TUBGCP3: variants seen among roughly 807,000 people sequenced by gnomAD.
TUBGCP3 encodes the protein tubulin gamma complex component 3.
In TUBGCP3, 50 loss-of-function variants were observed where a neutral mutation model predicts 123.1. That is an observed-to-expected ratio of 0.41 (90% CI 0.32 to 0.51). The LOEUF (loss-of-function observed/expected upper bound fraction) is 0.51, where lower values mean the gene tolerates loss of function less well. Among genes scored for constraint, TUBGCP3 ranks in the 20% least tolerant of loss-of-function variants. The pLI, the probability that TUBGCP3 is intolerant of heterozygous loss-of-function variation, is 0.36. For missense variants in TUBGCP3, 882 were observed against 1,127.0 expected, an observed-to-expected ratio of 0.78 and a Z score of 3.11; for synonymous variants, 405 against 413.9, an observed-to-expected ratio of 0.98 and a Z score of 0.26.
the TUBGCP3 span, among the ~76,000 whole-genome samples, chr13:112,596,939 T>G: frequency 6.6e-6 from 1 of 152,198 alleles, no homozygotes; most frequent in African/African-American, 2.4e-5. Flanking sequence ...TCAAAGGTAC[T>G]GGAACATAAC....
intron 11 of TUBGCP3, among the ~76,000 whole-genome samples, chr13:112,531,299 T>C (rs1484988771): frequency 6.6e-6 from 1 of 152,228 alleles, no homozygotes; most frequent in African/African-American, 2.4e-5. Context: ...TCAATGTAAA[T>C]GACTGAAGCA....
At chr13:112,534,690 G>A (rs1877895430) in intron 11 of TUBGCP3, among the ~76,000 whole-genome samples, 1 of 152,122 alleles carries the variant, frequency 6.6e-6, no homozygotes, top group African/African-American at 2.4e-5. Context: ...CAGGGAGGAA[G>A]AAGACCCGGG....
At chr13:112,571,684 A>G (rs1881406508) in intron 1 of TUBGCP3, among the ~76,000 whole-genome samples, 2 of 152,238 alleles carry the variant, frequency 1.3e-5, no homozygotes, top group South Asian at 2.1e-4. Context: ...TTAGACGCCA[A>G]TAAGATGGCA....
intron 11 of TUBGCP3, chr13:112,544,789 G>A (rs1483257975): frequency 6.6e-6 from 1 of 152,326 alleles, no homozygotes; most frequent in Non-Finnish European, 1.5e-5. Flanking sequence ...AAAGCACACA[G>A]AGCACCAGAG....
At chr13:112,530,954 C>G (rs984115709) in intron 11 of TUBGCP3, among the ~76,000 whole-genome samples, 1 of 152,158 alleles carries the variant, frequency 6.6e-6, no homozygotes. Flanking sequence ...AAAAAAAACA[C>G]TGTTTAATAA....
chr13:112,588,310 G>A (rs1222172647), upstream of TUBGCP3: 1 of 240,564 alleles, frequency 4.2e-6, no homozygotes, highest in Non-Finnish European at 8.0e-6. Context: ...CGAGCTGCGC[G>A]GACAGAGCGG....
At position 112,527,358 on chromosome 13, in the gene TUBGCP3, T is replaced by A; in HGVS notation, c.1446+16A>T. 6.6e-7 allele frequency: 1 copy of A among 1,505,182 alleles called. No homozygotes were observed. Among genetic ancestry groups the A allele is most frequent in the Non-Finnish European group, 8.9e-7 (1 of 1,121,908 alleles). The allele number at this position is 1,505,182 out of a possible 1,614,324, so 93.2% of individuals were successfully genotyped here. A position where few individuals can be genotyped will look rare whatever the true frequency, so the allele number is the denominator to read the frequency against. On this transcript the variant is annotated intron_variant, in intron 12 of 21. Transcript: ENST00000261965. ...CCATAAAACATCAAAATCACAAAAATCTCTTCTAATCCTACCTTCCTAGAC... is the reference window on the plus strand; with the variant it reads ...CCATAAAACATCAAAATCACAAAAAACTCTTCTAATCCTACCTTCCTAGAC...
chr13:112,525,902 A>G (rs1295320197), intron 13 of TUBGCP3, among the ~76,000 whole-genome samples: 1 of 152,220 alleles, frequency 6.6e-6, no homozygotes, highest in Admixed American at 6.5e-5. Context: ...CTGTATAAAA[A>G]GGAAATTAAA....
intron 11 of TUBGCP3, among the ~76,000 whole-genome samples, chr13:112,533,366 G>A (rs1473457285): frequency 1.3e-5 from 2 of 152,178 alleles, no homozygotes; most frequent in Non-Finnish European, 2.9e-5. Context: ...GCCATGCCCA[G>A]CCCATGCATC....
intron 21 of TUBGCP3, among the ~76,000 whole-genome samples, 194 bp from the exon 22 acceptor site, chr13:112,486,345 C>T (rs115926004): frequency 6.6e-6 from 1 of 152,176 alleles, no homozygotes; most frequent in Admixed American, 6.5e-5. Context: ...GGCCAGTGCA[C>T]CTGCATTAGG....
At chr13:112,522,195 A>G in intron 14 of TUBGCP3, 125 bp downstream of exon 14, 1 of 975,830 alleles carries the variant, frequency 1.0e-6, no homozygotes, top group African/African-American at 1.6e-5. Flanking sequence ...TTCAGATTTT[A>G]TTTTAAAAAG....
chr13:112,535,278 G>C (rs773299267), intron 11 of TUBGCP3, among the ~76,000 whole-genome samples: 1 of 152,192 alleles, frequency 6.6e-6, no homozygotes, highest in Non-Finnish European at 1.5e-5. Context: ...AGACGAATGC[G>C]TGTTTTCATT....
intron 19 of TUBGCP3, among the ~76,000 whole-genome samples, chr13:112,499,782 C>T (rs1880780236): frequency 6.6e-6 from 1 of 152,168 alleles, no homozygotes; most frequent in Admixed American, 6.5e-5. Context: ...CAGCAGGTAT[C>T]TTCCGTTCAT....
intron 2 of TUBGCP3, among the ~76,000 whole-genome samples, chr13:112,566,742 G>A (rs1260778977): frequency 2.0e-5 from 3 of 152,076 alleles, no homozygotes; most frequent in African/African-American, 7.2e-5. Flanking sequence ...AATAAAATAA[G>A]AATAAAAATG....
At position 112,524,179 on chromosome 13, in the gene TUBGCP3, C is replaced by T. The variant is rs917624845; in HGVS notation, c.1556-1670G>A. 1.3e-5 allele frequency among the ~76,000 whole-genome samples: 2 copies of T among 152,184 alleles called. No homozygotes were observed. Among genetic ancestry groups the T allele is most frequent in the African/African-American group, 4.8e-5 (2 of 41,448 alleles). On this transcript the variant is annotated intron_variant, in intron 13 of 21. Coordinates refer to ENST00000261965, the MANE Select transcript of TUBGCP3 (RefSeq NM_006322.6). The surrounding 1 kb of genome is among the most constrained non-coding windows in gnomAD (Gnocchi z 4.4). The stretch of plus-strand genomic sequence containing the variant: ...TTGCACCTAACCTACACACATCTTC[C>T]CATATACGGTAAATCATCTCTAAAT...
chr13:112,592,892 A>G (rs1039922297), upstream of TUBGCP3, among the ~76,000 whole-genome samples: 3 of 152,242 alleles, frequency 2.0e-5, no homozygotes, highest in African/African-American at 7.2e-5. This position sits in a 1 kb window ranked among gnomAD's most constrained non-coding sequence, Gnocchi z 4.1. Flanking sequence ...CCCACAGGGC[A>G]TTTGGGCTGC....
chr13:112,583,408 A>AC (rs1368719098), intron 1 of TUBGCP3, among the ~76,000 whole-genome samples: 1 of 152,184 alleles, frequency 6.6e-6, no homozygotes, highest in Non-Finnish European at 1.5e-5. Flanking sequence ...TCTAGAAAGG[A>AC]CCCTCTGACT....
chr13:112,556,002 G>A (rs763570938), intron 6 of TUBGCP3, 50 bp downstream of exon 6: 3 of 1,559,934 alleles, frequency 1.9e-6, no homozygotes, highest in Non-Finnish European at 2.6e-6. Context: ...AGGAGAGGCT[G>A]AATTCCAAGT....
intron 13 of TUBGCP3, among the ~76,000 whole-genome samples, chr13:112,523,805 A>G (rs1876820638): frequency 6.6e-6 from 1 of 152,134 alleles, no homozygotes; most frequent in Admixed American, 6.6e-5. Flanking sequence ...TTAAATTTTC[A>G]CTATTTATTC....
Sources: gnomAD v4.1 joint callset for allele counts (sites outside exome capture counted in the v4.1 genomes callset) on GRCh38, gnomAD v4.1.1 for gene constraint, Gnocchi (gnomAD v3.1) non-coding constraint, MANE v1.5 for transcripts, NCBI Gene and HGNC (gene_info 2026-07-23, HGNC 2026-07-21) for gene names.